The following KCNG2 variants were observed in gnomAD, a reference collection of about 807,000 sequenced individuals.
The protein encoded by KCNG2 is potassium voltage-gated channel modifier subfamily G member 2, also known as voltage-gated potassium channel regulatory subunit KCNG2.
Under a neutral mutation model 12.3 loss-of-function variants are expected in KCNG2, and 7 were observed. The ratio of observed to expected loss-of-function variants is 0.57; its 90% confidence interval spans 0.32 to 1.07. The LOEUF (loss-of-function observed/expected upper bound fraction) is 1.07, where lower values mean the gene tolerates loss of function less well. Among genes scored for constraint, KCNG2 ranks in the 50% least tolerant of loss-of-function variants. The probability of loss-of-function intolerance (pLI) is 0.04; values close to 1 mark genes in which losing one functional copy is unlikely to be tolerated. For synonymous variants in KCNG2, 414 were observed against 351.4 expected (o/e 1.18, Z -1.99); for missense variants, 703 against 726.0 (o/e 0.97, Z 0.36).
At chr18:79,832,758 C>T (rs2123026298) in intron 1 of KCNG2, among the ~76,000 whole-genome samples, 1 of 152,354 alleles carries the variant, frequency 6.6e-6, no homozygotes, top group East Asian at 1.9e-4. Flanking sequence ...TGGCAAGACT[C>T]CTCTTTGCAC....
At chr18:79,851,947 A>G (rs1345636044) in intron 1 of KCNG2, among the ~76,000 whole-genome samples, 2 of 152,188 alleles carry the variant, frequency 1.3e-5, no homozygotes, top group Admixed American at 1.3e-4. Flanking sequence ...GTGCTATTCT[A>G]TTAGGATTTA....
chr18:79,873,433 C>CCCCCCCCCCCCCCCT (rs1979938155), intron 3 of KCNG2, among the ~76,000 whole-genome samples: 1 of 144,728 alleles, frequency 6.9e-6, no homozygotes, highest in African/African-American at 2.6e-5. Context: ...CCCTCCCCCC[C>CCCCCCCCCCCCCCCT]CCCCAGCCAC....
chr18:79,866,736 A>ATG (rs1979584107), intron 3 of KCNG2, among the ~76,000 whole-genome samples: 1 of 44,898 alleles, frequency 2.2e-5, no homozygotes, highest in Non-Finnish European at 4.6e-5. Context: ...AGGTCTGGGT[A>ATG]CTGTGGTCTG....
At position 79,864,148 on chromosome 18, in the gene KCNG2, C is replaced by T; in HGVS notation, c.481C>T (p.Arg161Trp). The stretch of plus-strand genomic sequence containing the variant: ...TCGGGGGCGGCTGCAGCGCGGCCGG[C>T]GGCGCCTGCGCGACGTGGTGGACAA... ...GPRGRLQRGR[R>W]RLRDVVDNPH... The change falls in exon 3 of 4, where the codon CGG becomes TGG. Residue 161 changes from arginine (R) to tryptophan (W), a missense_variant. Physicochemically the swap from Arg to Trp is moderately radical, Grantham distance 101 (BLOSUM62 -3). Coordinates refer to ENST00000316249, the MANE Select transcript of KCNG2 (RefSeq NM_012283.2). 2 of 1,413,258 alleles carry T rather than the reference C, an allele frequency of 1.4e-6. No individual in the cohort carries two copies. Among genetic ancestry groups the T allele is most frequent in the Non-Finnish European group, 1.8e-6 (2 of 1,085,852 alleles). The allele number at this position is 1,413,258 out of a possible 1,614,324, so 87.5% of individuals were successfully genotyped here.
At chr18:79,826,219 G>A (rs1978285712) in intron 1 of KCNG2, among the ~76,000 whole-genome samples, 1 of 152,282 alleles carries the variant, frequency 6.6e-6, no homozygotes, top group African/African-American at 2.4e-5. Context: ...CGTGGGAGAA[G>A]GGTCGCTTCA....
chr18:79,890,731 T>G (rs957913326), intron 3 of KCNG2, among the ~76,000 whole-genome samples: 5 of 152,184 alleles, frequency 3.3e-5, no homozygotes, highest in African/African-American at 1.2e-4. Flanking sequence ...AGTTTGAGGG[T>G]TTCTGACTGA....
At chr18:79,826,489 A>C (rs1213422956) in intron 1 of KCNG2, among the ~76,000 whole-genome samples, 4 of 149,894 alleles carry the variant, frequency 2.7e-5, no homozygotes, top group Non-Finnish European at 5.9e-5. Flanking sequence ...CTGAGTGAGC[A>C]GCTCCTCACG....
chr18:79,817,437 G>A (rs577038384), intron 1 of KCNG2, among the ~76,000 whole-genome samples: 71 of 152,240 alleles, frequency 4.7e-4, no homozygotes, highest in African/African-American at 1.5e-3. Flanking sequence ...AGTGTCACAT[G>A]GCTGTCACAT....
At chr18:79,813,214 C>T (rs1418951689) in intron 1 of KCNG2, among the ~76,000 whole-genome samples, 2 of 152,080 alleles carry the variant, frequency 1.3e-5, no homozygotes, top group Non-Finnish European at 2.9e-5. Context: ...CAGTATCTTT[C>T]ACGAATTCAC....
At chr18:79,816,916 C>T (rs889411248) in intron 1 of KCNG2, among the ~76,000 whole-genome samples, 3 of 152,352 alleles carry the variant, frequency 2.0e-5, no homozygotes, top group Middle Eastern at 3.4e-3. Flanking sequence ...AAAGACGCAG[C>T]GGCCTCAGGT....
intron 3 of KCNG2, among the ~76,000 whole-genome samples, chr18:79,881,734 T>C (rs555471572): frequency 2.0e-5 from 3 of 152,302 alleles, no homozygotes; most frequent in African/African-American, 7.2e-5. Flanking sequence ...TTTTCTGCAA[T>C]ATTTACAAGC....
chr18:79,899,087 G>T lies in KCNG2; in HGVS notation c.672G>T (p.Val224=). The T allele has an allele frequency of 6.3e-7, 1 of 1,599,910 alleles. No individual in the cohort carries two copies. Residue 224 remains valine, a synonymous_variant, in exon 4 of 4, where the codon GTG becomes GTT. Coordinates refer to ENST00000316249, the MANE Select transcript of KCNG2 (RefSeq NM_012283.2). ...GCAGCCTGTTCGTGCTGGAGACCGT[G>T]TGCGTGGCCTGGTTCTCCTTCGAGT... The part of the protein sequence containing the change: ...KCRSLFVLET[V]CVAWFSFEFL...
chr18:79,866,278 G>T (rs1363656619), intron 3 of KCNG2, among the ~76,000 whole-genome samples: 1 of 146,862 alleles, frequency 6.8e-6, no homozygotes, highest in Non-Finnish European at 1.5e-5. Flanking sequence ...TGAGAGATCT[G>T]TGTGATGAGA....
At chr18:79,865,078 T>TGG (rs1568261804) in intron 3 of KCNG2, among the ~76,000 whole-genome samples, 2 of 114,200 alleles carry the variant, frequency 1.8e-5, no homozygotes, top group Non-Finnish European at 4.0e-5. Flanking sequence ...GAGAGGACCT[T>TGG]GTGCTGAGGT....
At chr18:79,835,916 A>G (rs1323497350) in intron 1 of KCNG2, among the ~76,000 whole-genome samples, 3 of 152,264 alleles carry the variant, frequency 2.0e-5, no homozygotes, top group African/African-American at 7.2e-5. Context: ...TCAAAATAGA[A>G]TTGTCAAATA....
At chr18:79,846,605 G>A (rs1437027816) in intron 1 of KCNG2, among the ~76,000 whole-genome samples, 1 of 152,112 alleles carries the variant, frequency 6.6e-6, no homozygotes, top group African/African-American at 2.4e-5. Flanking sequence ...ACCCATGGGT[G>A]ATTATAGTCT....
chr18:79,823,055 TC>T (rs1274725959), intron 1 of KCNG2, among the ~76,000 whole-genome samples: 5 of 152,182 alleles, frequency 3.3e-5, no homozygotes, highest in Non-Finnish European at 1.5e-5. Flanking sequence ...CCTCCTCTGT[TC>T]CTCCTGCACA....
chr18:79,809,621 T>G (rs373731857), intron 1 of KCNG2, among the ~76,000 whole-genome samples: 53 of 129,196 alleles, frequency 4.1e-4, no homozygotes, highest in South Asian at 1.0e-3. Flanking sequence ...CCCAGAGTCC[T>G]CGCCCTGAGG....
chr18:79,811,268 GA>G (rs1428366501), intron 1 of KCNG2, among the ~76,000 whole-genome samples: 1 of 152,116 alleles, frequency 6.6e-6, no homozygotes, highest in African/African-American at 2.4e-5. Flanking sequence ...CAAAGTAAGT[GA>G]AAAAAATCTT....
Sources: allele counts gnomAD v4.1 joint callset (sites outside exome capture counted in the v4.1 genomes callset), GRCh38; gene constraint gnomAD v4.1.1; transcripts MANE v1.5; gene names NCBI Gene and HGNC (gene_info 2026-07-23, HGNC 2026-07-21).